The following ARMC8 variants were observed in gnomAD, a reference collection of about 807,000 sequenced individuals.
The protein encoded by ARMC8 is armadillo repeat containing 8.
Under a neutral mutation model 99.3 loss-of-function variants are expected in ARMC8, and 20 were observed. The observed-to-expected ratio is 0.20, with a 90% CI of 0.14 to 0.29. The LOEUF (loss-of-function observed/expected upper bound fraction) is 0.29. ARMC8 is among the 10% of genes least tolerant of loss of function. The pLI is 1.00. For synonymous variants in ARMC8, 263 were observed against 278.3 expected, an observed-to-expected ratio of 0.95 and a Z score of 0.55; for missense variants, 569 against 809.5, an observed-to-expected ratio of 0.70 and a Z score of 3.60.
intron 19 of ARMC8, among the ~76,000 whole-genome samples, chr3:138,285,156 C>T (rs2050285704): frequency 6.6e-6 from 1 of 152,218 alleles, no homozygotes. Context: ...CACAGCTCCT[C>T]CTAGTGTCCT....
At chr3:138,263,505 AACAACATAACCTGCCCCTT>A (rs2047958006) in intron 12 of ARMC8, 1 of 539,634 alleles carries the variant, frequency 1.9e-6, no homozygotes, top group Non-Finnish European at 3.3e-6. Context: ...TTTAAAAATA[AACAACATAACCTGCCCCTT>A]ACGCCTGTCA....
At chr3:138,210,195 T>C (rs1297659633) in intron 2 of ARMC8, among the ~76,000 whole-genome samples, 2 of 152,318 alleles carry the variant, frequency 1.3e-5, no homozygotes, top group Middle Eastern at 3.4e-3. Context: ...GAGAATAAGA[T>C]TGATGGTCTT....
At chr3:138,275,228 A>G (rs778722738) in intron 18 of ARMC8, among the ~76,000 whole-genome samples, 1 of 152,228 alleles carries the variant, frequency 6.6e-6, no homozygotes, top group Non-Finnish European at 1.5e-5. Context: ...GTTTTTTGAC[A>G]TAGGTTTTGG....
Position 138,203,267 on chromosome 3 carries a change from A to G in ARMC8, c.46-6550A>G, listed in dbSNP as rs970437104. ...ATTTGGATGATAAATTCAAAGGCCT[A>G]TAAGTTACCTATTGCTGTGTAACAA... On this transcript the variant is annotated intron_variant, in intron 1 of 21. Transcript: ENST00000469044. Among the ~76,000 whole-genome samples, 24 of 152,376 alleles carry G rather than the reference A, an allele frequency of 1.6e-4. 1 individual carries two copies. The highest frequency in any genetic ancestry group is 1.2e-3 in the Admixed American group (18 of 15,304).
chr3:138,190,194 C>T (rs2043299234), intron 1 of ARMC8, among the ~76,000 whole-genome samples: 3 of 151,946 alleles, frequency 2.0e-5, no homozygotes, highest in African/African-American at 7.3e-5. Context: ...ACAGCCGCTC[C>T]TCGGTTTCTT....
intron 1 of ARMC8, among the ~76,000 whole-genome samples, chr3:138,205,684 TC>T (rs1360044596): frequency 6.6e-6 from 1 of 151,804 alleles, no homozygotes; most frequent in Non-Finnish European, 1.5e-5. Flanking sequence ...ACGCCTGTAA[TC>T]CCAGCACTCT....
intron 6 of ARMC8, among the ~76,000 whole-genome samples, chr3:138,230,482 C>T (rs1359784373): frequency 6.6e-6 from 1 of 152,010 alleles, no homozygotes; most frequent in Non-Finnish European, 1.5e-5. Flanking sequence ...GAAACCCCAT[C>T]TCTACAAAAA....
At chr3:138,293,883 T>C (rs1177172410) in intron 21 of ARMC8, among the ~76,000 whole-genome samples, 1 of 152,206 alleles carries the variant, frequency 6.6e-6, no homozygotes, top group Non-Finnish European at 1.5e-5. Context: ...CTTAGACCAC[T>C]CTGGTGCTGT....
intron 6 of ARMC8, among the ~76,000 whole-genome samples, chr3:138,231,138 A>G (rs868151802): frequency 6.6e-6 from 1 of 152,232 alleles, no homozygotes; most frequent in Non-Finnish European, 1.5e-5. Flanking sequence ...TATAGCATTT[A>G]TAAATCCAGT....
chr3:138,287,662 G>A (rs773699787), intron 19 of ARMC8: 8 of 456,574 alleles, frequency 1.8e-5, no homozygotes, highest in Admixed American at 9.4e-5. Context: ...CCTTAAAAGT[G>A]TTGGCAGTTA....
chr3:138,259,333 T>C (rs2047551160), intron 12 of ARMC8, among the ~76,000 whole-genome samples: 1 of 152,228 alleles, frequency 6.6e-6, no homozygotes, highest in Non-Finnish European at 1.5e-5. Flanking sequence ...AACCTTTTCC[T>C]GTCTGTGATC....
intron 14 of ARMC8, among the ~76,000 whole-genome samples, chr3:138,264,669 C>T (rs1004910655): frequency 5.9e-5 from 9 of 151,898 alleles, no homozygotes; most frequent in Admixed American, 4.6e-4. Flanking sequence ...CTGCCCGCCT[C>T]GGCCCTCCAA....
intron 2 of ARMC8, among the ~76,000 whole-genome samples, chr3:138,210,369 A>G (rs2044622480): frequency 6.6e-6 from 1 of 152,240 alleles, no homozygotes; most frequent in South Asian, 2.1e-4. Flanking sequence ...TAATAACCAT[A>G]ATGCCTTTTT....
At chr3:138,201,223 A>G (rs971566252) in intron 1 of ARMC8, among the ~76,000 whole-genome samples, 1 of 146,796 alleles carries the variant, frequency 6.8e-6, no homozygotes, top group Non-Finnish European at 1.5e-5. Context: ...TTTTTTTTTA[A>G]TGTTAGTTGC....
chr3:138,242,473 C>G (rs1464064454), intron 11 of ARMC8, among the ~76,000 whole-genome samples: 1 of 152,138 alleles, frequency 6.6e-6, no homozygotes, highest in African/African-American at 2.4e-5. Context: ...GCTAAAGCAT[C>G]ATTTAATCTT....
chr3:138,238,377 T>A (rs1481865118), intron 9 of ARMC8: 2 of 152,318 alleles, frequency 1.3e-5, no homozygotes, highest in African/African-American at 4.8e-5. Context: ...AGAGTTTTTA[T>A]TAGCACAATT....
chr3:138,255,889 A>G (rs2047375060), intron 12 of ARMC8, among the ~76,000 whole-genome samples: 1 of 152,180 alleles, frequency 6.6e-6, no homozygotes, highest in Non-Finnish European at 1.5e-5. Context: ...CTGAGGTGGG[A>G]GAATCGCTCG....
At chr3:138,270,196 A>G in intron 16 of ARMC8, 64 bp downstream of exon 16, 1 of 1,227,244 alleles carries the variant, frequency 8.1e-7, no homozygotes, top group South Asian at 1.3e-5. Context: ...CTAAGTTAGA[A>G]CTATAATGTG....
intron 12 of ARMC8, chr3:138,245,421 T>G (rs139183585): frequency 0.033 from 45,735 of 1,384,696 alleles, 807 homozygotes; most frequent in Middle Eastern, 0.05. Context: ...TGCTTTTTTT[T>G]TGTGTCATTA....
Sources: allele counts gnomAD v4.1 joint callset (sites outside exome capture counted in the v4.1 genomes callset), GRCh38; gene constraint gnomAD v4.1.1; transcripts MANE v1.5; gene names NCBI Gene and HGNC (gene_info 2026-07-23, HGNC 2026-07-21).